Variants in PCF11 observed in about 807,000 individuals in gnomAD.
PCF11 encodes the protein PCF11 cleavage and polyadenylation factor subunit.
Under a neutral mutation model 166.1 loss-of-function variants are expected in PCF11, and 19 were observed. The observed-to-expected ratio is 0.11, with a 90% CI of 0.08 to 0.17. The LOEUF (loss-of-function observed/expected upper bound fraction) is 0.17. PCF11 is among the 10% of genes least tolerant of loss of function. PCF11 has a pLI of 1.00. For missense variants in PCF11, 1,565 were observed against 1,855.5 expected, an observed-to-expected ratio of 0.84 and a Z score of 2.88; for synonymous variants, 663 against 644.1, an observed-to-expected ratio of 1.03 and a Z score of -0.44.
At chr11:83,171,259 G>T (rs537365614) in intron 8 of PCF11, 81 of 453,640 alleles carry the variant, frequency 1.8e-4, no homozygotes, top group African/African-American at 1.6e-3. Flanking sequence ...CTATAACCAT[G>T]TGCAAAGATG....
rs1294972141 is a variant in PCF11, at chr11:83,179,649, A to C, written c.3984-1359A>C. On this transcript the variant is annotated intron_variant, in intron 11 of 15. Transcript: ENST00000298281. ...CTGGGCGCAGTGGCTCATGCCTGTA[A>C]TCCCAGCACTTTGGGAGGCTGAGGT... 2.0e-5 allele frequency among the ~76,000 whole-genome samples: 3 copies of C among 152,046 alleles called. No homozygotes were observed. In the East Asian group the frequency reaches 5.8e-4, roughly 29 times the overall value.
At position 83,167,155 on chromosome 11, in the gene PCF11, T is replaced by G. The variant is rs76726954; in HGVS notation, c.1848T>G (p.Pro616=). The change falls in exon 6 of 16, where the codon CCT becomes CCG. Residue 616 remains proline, a synonymous_variant. Coordinates refer to ENST00000298281, the Ensembl canonical transcript of PCF11. This position sits in a 1 kb window ranked among gnomAD's most constrained non-coding sequence, Gnocchi z 4.2. ...AACAGGTTGATGAACATAGTAAACC[T>G]CCTCATCTGAGGCATAGGGAGAGCT... The G allele has an allele frequency of 2.5e-6, 4 of 1,613,418 alleles. No homozygotes were observed. The highest frequency in any genetic ancestry group is 3.4e-6 in the Non-Finnish European group (4 of 1,179,514).
exon 16 of PCF11, chr11:83,187,398 G>GT (rs1426730289): frequency 6.8e-6 from 1 of 146,252 alleles, no homozygotes; most frequent in Admixed American, 6.6e-5. Context: ...AAGAAAATAT[G>GT]TAAGACTCAG....
At chr11:83,160,914 C>CT (rs1399074626) in intron 1 of PCF11, among the ~76,000 whole-genome samples, 1 of 152,198 alleles carries the variant, frequency 6.6e-6, no homozygotes, top group Non-Finnish European at 1.5e-5. Context: ...AAATTAGTTT[C>CT]TACAAGAGGT....
intron 9 of PCF11, among the ~76,000 whole-genome samples, chr11:83,172,143 C>T (rs7933733): frequency 0.019 from 2,899 of 152,054 alleles, 76 homozygotes; most frequent in African/African-American, 0.064. Flanking sequence ...GACTTGTAGT[C>T]CACTAAACAA....
chr11:83,160,924 T>G lies in PCF11; in HGVS notation c.193-403T>G, dbSNP rs187809063. Among the ~76,000 whole-genome samples the G allele has an allele frequency of 3.9e-5, 6 of 152,246 alleles. 1 individual carries two copies. Among genetic ancestry groups the G allele is most frequent in the Admixed American group, 2.6e-4 (4 of 15,294 alleles). On this transcript the variant is annotated intron_variant, in intron 1 of 15. Coordinates refer to ENST00000298281, the Ensembl canonical transcript of PCF11. ...CATGGAAATTAGTTTCTACAAGAGG[T>G]CTAAAAACTGCTTTGAGTGTAGGCA...
intron 12 of PCF11, 61 bp downstream of exon 12, chr11:83,181,252 A>T (rs1199314828): frequency 3.4e-6 from 2 of 594,726 alleles, no homozygotes; most frequent in Non-Finnish European, 5.0e-6. Context: ...TTCTAAAAGT[A>T]TATTAATTTT....
chr11:83,182,535 T>G, intron 14 of PCF11, 44 bp downstream of exon 14: 1 of 949,490 alleles, frequency 1.1e-6, no homozygotes, highest in South Asian at 1.4e-5. Context: ...ATTAGTGTTT[T>G]TTTGTTGGGT....
In PCF11 at chr11:83,167,042, C is replaced by T; in HGVS notation, c.1818-83C>T. On this transcript the variant is annotated intron_variant, in intron 5 of 15. Coordinates refer to ENST00000298281, the Ensembl canonical transcript of PCF11. This position sits in a 1 kb window ranked among gnomAD's most constrained non-coding sequence, Gnocchi z 4.2. Reference sequence around the variant, plus strand: ...TTACATATGCCCATTTTAACCATATCCTTTGAAAAGAATCTTTAAATATGG... The same window carrying T: ...TTACATATGCCCATTTTAACCATATTCTTTGAAAAGAATCTTTAAATATGG... 8.9e-7 allele frequency: 1 copy of T among 1,119,324 alleles called. No homozygotes were observed. The highest frequency in any genetic ancestry group is 1.3e-6 in the Non-Finnish European group (1 of 774,060). 69.3% of individuals were successfully genotyped at this position (1,119,324 alleles called of 1,614,324 possible).
intron 7 of PCF11, 135 bp from the exon 8 acceptor site, chr11:83,168,293 T>C (rs532044109): frequency 4.9e-4 from 395 of 813,482 alleles, no homozygotes; most frequent in Non-Finnish European, 6.5e-4. Context: ...CATCCTCTTA[T>C]CTGCTGCTTT....
At chr11:83,162,565 A>G (rs948776932) in intron 2 of PCF11, among the ~76,000 whole-genome samples, 4 of 152,172 alleles carry the variant, frequency 2.6e-5, no homozygotes, top group African/African-American at 9.7e-5. Context: ...CGGTTTCAGT[A>G]TGTTCAAATT....
exon 5 of PCF11, chr11:83,165,817 A>T: frequency 6.2e-7 from 1 of 1,605,116 alleles, no homozygotes; most frequent in Non-Finnish European, 8.5e-7. Context: ...CAACATTCTC[A>T]TGGAAAAGAT....
At chr11:83,169,842 A>G in exon 8 of PCF11, 1 of 1,613,702 alleles carries the variant, frequency 6.2e-7, no homozygotes, top group Non-Finnish European at 8.5e-7. Flanking sequence ...ATTTTAATGG[A>G]CCACATGGCC....
exon 8 of PCF11, chr11:83,168,808 C>G: frequency 6.2e-7 from 1 of 1,613,748 alleles, no homozygotes; most frequent in Non-Finnish European, 8.5e-7. Flanking sequence ...TGAAGGTCCT[C>G]CAGGACCAGT....
chr11:83,184,340 A>G lies in PCF11; in HGVS notation c.4453-339A>G, dbSNP rs143182108. 2.6e-3 allele frequency: 521 copies of G among 197,218 alleles called. 1 individual carries two copies. Among genetic ancestry groups the G allele is most frequent in the Non-Finnish European group, 4.4e-3 (430 of 97,918 alleles). 12.2% of individuals were successfully genotyped at this position (197,218 alleles called of 1,614,324 possible). ...ATTTAAAAAATCCTCAGACTATTTG[A>G]AATTAGGGTAGTAACAAGTCCCAGG... On this transcript the variant is annotated intron_variant, in intron 15 of 15. Coordinates refer to ENST00000298281, the Ensembl canonical transcript of PCF11.
At position 83,181,840 on chromosome 11, in the gene PCF11, C is replaced by A; in HGVS notation, c.4168-14C>A. 1 of 1,556,590 alleles carries A rather than the reference C, an allele frequency of 6.4e-7. No individual in the cohort carries two copies. On this transcript the variant is annotated splice_polypyrimidine_tract_variant and intron_variant, in intron 12 of 15. Transcript: ENST00000298281. Reference sequence around the variant, plus strand: ...ATAAATGGAATAATCTTTTAAAAATCAACTCCTTTTAAGGACTGGATAGAA... The same window carrying A: ...ATAAATGGAATAATCTTTTAAAAATAAACTCCTTTTAAGGACTGGATAGAA...
chr11:83,167,951 A>T lies in PCF11; in HGVS notation c.2092+446A>T. On this transcript the variant is annotated intron_variant, in intron 7 of 15. Transcript: ENST00000298281. This position sits in a 1 kb window ranked among gnomAD's most constrained non-coding sequence, Gnocchi z 4.2. ...TATTGAATCACACAGCAGTGAAGGG[A>T]AAATGAACAAGCTAAGTGGGGATGG... is the stretch of plus-strand genomic sequence containing the variant. The T allele has an allele frequency of 8.2e-7, 1 of 1,218,520 alleles. No individual in the cohort carries two copies. The highest frequency in any genetic ancestry group is 1.1e-6 in the Non-Finnish European group (1 of 950,362). 75.5% of individuals were successfully genotyped at this position (1,218,520 alleles called of 1,614,324 possible). A position where few individuals can be genotyped will look rare whatever the true frequency, so the allele number is the denominator to read the frequency against.
chr11:83,168,961 C>T, exon 8 of PCF11: 1 of 1,613,692 alleles, frequency 6.2e-7, no homozygotes, highest in Non-Finnish European at 8.5e-7. Flanking sequence ...TGTGGGTGGT[C>T]TGAGGTTTGA....
At chr11:83,170,028 C>T in intron 8 of PCF11, 33 bp downstream of exon 8, 3 of 1,504,094 alleles carry the variant, frequency 2.0e-6, no homozygotes, top group Non-Finnish European at 2.7e-6. Flanking sequence ...GCGTTGTATG[C>T]AGATAAGTTA....
Sources: allele counts gnomAD v4.1 joint callset (sites outside exome capture counted in the v4.1 genomes callset), GRCh38; gene constraint gnomAD v4.1.1; non-coding constraint Gnocchi (gnomAD v3.1); transcripts MANE v1.5; gene names NCBI Gene and HGNC (gene_info 2026-07-23, HGNC 2026-07-21).